DNAH9: variants seen among roughly 807,000 people sequenced by gnomAD.
The protein encoded by DNAH9 is dynein axonemal heavy chain 9, also known as DNAH9 variant protein.
In DNAH9, 345 loss-of-function variants were observed where a neutral mutation model predicts 471.6. That is an observed-to-expected ratio of 0.73 (90% CI 0.67 to 0.80). The LOEUF (loss-of-function observed/expected upper bound fraction) is 0.80, where lower values mean the gene tolerates loss of function less well. Among genes scored for constraint, DNAH9 ranks in the 30% least tolerant of loss-of-function variants. The pLI, the probability that DNAH9 is intolerant of heterozygous loss-of-function variation, is 0.00. For synonymous variants in DNAH9, 2,093 were observed against 2,123.6 expected (o/e 0.99, Z 0.40); for missense variants, 5,407 against 5,609.2 (o/e 0.96, Z 1.15).
At chr17:11,815,804 G>C (rs1457543937) in intron 45 of DNAH9, among the ~76,000 whole-genome samples, 1 of 151,964 alleles carries the variant, frequency 6.6e-6, no homozygotes, top group South Asian at 2.1e-4. Flanking sequence ...AAAGAAAAAA[G>C]AAAACAAACA....
chr17:11,628,216 A>G (rs1053736710), intron 6 of DNAH9, among the ~76,000 whole-genome samples: 11 of 152,210 alleles, frequency 7.2e-5, no homozygotes, highest in African/African-American at 2.7e-4. Flanking sequence ...TACTCACAAG[A>G]GATAAATTCA....
chr17:11,646,979 A>G lies in DNAH9; in HGVS notation c.1971-93A>G, dbSNP rs2073405907. ...ACCCAGCCTGGTTGGGTCAATGACTAGTAGTATCTTCAATTTATGTTACAG... is the reference window on the plus strand; with the variant it reads ...ACCCAGCCTGGTTGGGTCAATGACTGGTAGTATCTTCAATTTATGTTACAG... On this transcript the variant is annotated intron_variant, in intron 11 of 68. Transcript: ENST00000262442. 28 of 1,322,148 alleles carry G rather than the reference A, an allele frequency of 2.1e-5. No individual in the cohort carries two copies. In the South Asian group the frequency reaches 3.5e-4, roughly 17 times the overall value. The allele number at this position is 1,322,148 out of a possible 1,614,324, so 81.9% of individuals were successfully genotyped here. A position where few individuals can be genotyped will look rare whatever the true frequency, so the allele number is the denominator to read the frequency against.
intron 38 of DNAH9, among the ~76,000 whole-genome samples, chr17:11,775,973 G>A (rs1968415291): frequency 6.6e-6 from 1 of 152,062 alleles, no homozygotes; most frequent in South Asian, 2.1e-4. Flanking sequence ...CAGTTGTGGA[G>A]TCTCCATTGT....
At chr17:11,923,433 T>C (rs1284506005) in intron 61 of DNAH9, among the ~76,000 whole-genome samples, 1 of 152,016 alleles carries the variant, frequency 6.6e-6, no homozygotes, top group African/African-American at 2.4e-5. Flanking sequence ...TGCCTCAGCC[T>C]CCCGAGTAGC....
chr17:11,761,659 G>A (rs1967672065), intron 35 of DNAH9, among the ~76,000 whole-genome samples: 1 of 152,068 alleles, frequency 6.6e-6, no homozygotes, highest in East Asian at 1.9e-4. Context: ...GCCCCTGCAA[G>A]TTACCTCCCC....
At chr17:11,795,613 T>C (rs1261401436) in intron 42 of DNAH9, among the ~76,000 whole-genome samples, 1 of 152,216 alleles carries the variant, frequency 6.6e-6, no homozygotes, top group Non-Finnish European at 1.5e-5. Context: ...AGCATTGTTA[T>C]TGGGGCCTGA....
chr17:11,788,696 T>G (rs1336361747), intron 41 of DNAH9, among the ~76,000 whole-genome samples: 3 of 152,176 alleles, frequency 2.0e-5, no homozygotes, highest in Non-Finnish European at 2.9e-5. Flanking sequence ...GTAACAGTTA[T>G]GTTTCTTTCT....
chr17:11,680,058 A>C (rs1158379611), intron 18 of DNAH9, 79 bp downstream of exon 18: 4 of 1,135,434 alleles, frequency 3.5e-6, no homozygotes, highest in Non-Finnish European at 5.1e-6. Flanking sequence ...AGTGGGGTAC[A>C]GCAAATGAAA....
At chr17:11,903,473 G>A (rs966363628) in intron 60 of DNAH9, among the ~76,000 whole-genome samples, 3 of 152,182 alleles carry the variant, frequency 2.0e-5, no homozygotes, top group African/African-American at 7.2e-5. Flanking sequence ...TTAAGTTATT[G>A]AATAGTACAC....
chr17:11,881,490 G>T, intron 55 of DNAH9, 77 bp downstream of exon 55: 1 of 1,456,704 alleles, frequency 6.9e-7, no homozygotes, highest in Non-Finnish European at 9.2e-7. Flanking sequence ...TGCAGAGGGG[G>T]GCTGTTTTTC....
At chr17:11,662,128 A>G (rs1188180227) in intron 14 of DNAH9, among the ~76,000 whole-genome samples, 1 of 152,122 alleles carries the variant, frequency 6.6e-6, no homozygotes, top group African/African-American at 2.4e-5. Context: ...AAGTTATTTC[A>G]TTATCACCTA....
At chr17:11,927,465 T>A (rs1266982648) in intron 62 of DNAH9, among the ~76,000 whole-genome samples, 1 of 152,238 alleles carries the variant, frequency 6.6e-6, no homozygotes, top group East Asian at 1.9e-4. Flanking sequence ...GTTTCATTTG[T>A]TTGCATATGG....
intron 27 of DNAH9, among the ~76,000 whole-genome samples, chr17:11,727,342 G>A (rs539741297): frequency 1.3e-5 from 2 of 152,038 alleles, no homozygotes; most frequent in East Asian, 1.9e-4. Context: ...TTTGGTTTTG[G>A]TTTTTGTTTT....
intron 61 of DNAH9, among the ~76,000 whole-genome samples, chr17:11,922,490 G>C (rs1415109589): frequency 2.0e-5 from 3 of 151,990 alleles, no homozygotes; most frequent in Non-Finnish European, 4.4e-5. Context: ...CTCTATATTA[G>C]GGTCATTTCT....
chr17:11,636,838 A>C, intron 9 of DNAH9, 54 bp downstream of exon 9: 1 of 1,468,210 alleles, frequency 6.8e-7, no homozygotes, highest in East Asian at 2.3e-5. Flanking sequence ...GGAAAGAAGC[A>C]ACTCATTCCT....
intron 4 of DNAH9, among the ~76,000 whole-genome samples, chr17:11,616,391 A>G (rs1029595823): frequency 5.3e-5 from 8 of 152,164 alleles, no homozygotes. Context: ...ACCTGCTCTC[A>G]TATGATACCA....
At chr17:11,636,806 T>G in intron 9 of DNAH9, 22 bp downstream of exon 9, 1 of 1,610,148 alleles carries the variant, frequency 6.2e-7, no homozygotes, top group South Asian at 1.1e-5. Context: ...AAAGGGGATT[T>G]TGATGGGGAC....
At chr17:11,762,318 T>C (rs898618577) in intron 35 of DNAH9, among the ~76,000 whole-genome samples, 2 of 152,158 alleles carry the variant, frequency 1.3e-5, no homozygotes, top group African/African-American at 4.8e-5. Flanking sequence ...CTATGAACAC[T>C]TCATCCTGTG....
chr17:11,744,657 T>G (rs2075488793), intron 30 of DNAH9, 140 bp from the exon 31 acceptor site: 4 of 712,446 alleles, frequency 5.6e-6, no homozygotes, highest in African/African-American at 5.3e-5. Context: ...GATCATCATT[T>G]TCTAAGTCAT....
Sources: allele counts gnomAD v4.1 joint callset (sites outside exome capture counted in the v4.1 genomes callset), GRCh38; gene constraint gnomAD v4.1.1; transcripts MANE v1.5; gene names NCBI Gene and HGNC (gene_info 2026-07-23, HGNC 2026-07-21).